The following NME2 variants were observed in gnomAD, a reference collection of about 807,000 sequenced individuals.
The protein encoded by NME2 is nucleoside diphosphate kinase B.
In NME2, 18 loss-of-function variants were observed where a neutral mutation model predicts 17.8. The ratio of observed to expected loss-of-function variants is 1.01; its 90% CI spans 0.70 to 1.50. The LOEUF (loss-of-function observed/expected upper bound fraction) is 1.50. NME2 is among the 40% of genes most tolerant of loss of function. The pLI is 0.00. For synonymous variants in NME2, 74 were observed against 71.4 expected (o/e 1.04, Z -0.19); for missense variants, 161 against 195.6 (o/e 0.82, Z 1.05).
In NME2 at chr17:51,171,529, A is replaced by G; in HGVS notation, c.384A>G (p.Lys128=). The change falls in exon 5 of 5, where the codon AAA becomes AAG. Residue 128 remains lysine, a synonymous_variant. Coordinates refer to ENST00000512737, the MANE Select transcript of NME2 (RefSeq NM_002512.4). ...HGSDSVKSAE[K]EISLWFKPEE... is the part of the protein sequence containing the mutation. ...GTGATTCAGTAAAAAGTGCTGAAAA[A>G]GAAATCAGCCTATGGTTTAAGCCTG... 6.2e-7 allele frequency: 1 copy of G among 1,613,736 alleles called. No homozygotes were observed. Among genetic ancestry groups the G allele is most frequent in the Non-Finnish European group, 8.5e-7 (1 of 1,179,698 alleles).
chr17:51,171,635 A>T lies in NME2; in HGVS notation c.*31A>T, dbSNP rs367988866. On this transcript the variant is annotated 3_prime_UTR_variant, in exon 5 of 5. Coordinates refer to ENST00000512737, the MANE Select transcript of NME2 (RefSeq NM_002512.4). ...GGACACAACAGCAGTCTCCTTCAGCACGGCGTGGTGTGTCCCTGGACACAG... is the reference window on the plus strand; with the variant it reads ...GGACACAACAGCAGTCTCCTTCAGCTCGGCGTGGTGTGTCCCTGGACACAG... 3.9e-6 allele frequency: 6 copies of T among 1,545,726 alleles called. No homozygotes were observed. The African/African-American group carries it at 8.2e-5, about 21-fold the overall frequency.
Position 51,170,023 on chromosome 17 carries a change from T to C in NME2, c.315T>C (p.Arg105=). Residue 105 remains arginine, a synonymous_variant, in exon 4 of 5, where the codon CGT becomes CGC. Coordinates refer to ENST00000512737, the MANE Select transcript of NME2 (RefSeq NM_002512.4). ...NPADSKPGTI[R]GDFCIQVGRN... ...CAGATTCAAAGCCAGGCACCATTCGTGGGGACTTCTGCATTCAGGTTGGCA... is the reference window on the plus strand; with the variant it reads ...CAGATTCAAAGCCAGGCACCATTCGCGGGGACTTCTGCATTCAGGTTGGCA... 2 of 1,611,152 alleles carry C rather than the reference T, an allele frequency of 1.2e-6. No individual in the cohort carries two copies. The highest frequency in any genetic ancestry group is 1.7e-6 in the Non-Finnish European group (2 of 1,178,872).
chr17:51,170,169 G>A (rs748104622), intron 4 of NME2, 120 bp downstream of exon 4: 37 of 769,012 alleles, frequency 4.8e-5, no homozygotes, highest in African/African-American at 3.9e-4. Context: ...TTCTTGAGAC[G>A]GAGTCTCCTT....
chr17:51,169,168 C>T (rs367924029), intron 3 of NME2, among the ~76,000 whole-genome samples: 3,393 of 151,832 alleles, frequency 0.022, 55 homozygotes, highest in Non-Finnish European at 0.031. Flanking sequence ...AGTGGCTGGG[C>T]GAGGTGGCTC....
At chr17:51,168,081 A>T (rs1399960332) in intron 2 of NME2, 161 bp from the exon 3 acceptor site, 1 of 461,316 alleles carries the variant, frequency 2.2e-6, no homozygotes, top group East Asian at 3.6e-5. Context: ...TTTAAAAAAT[A>T]TTTATGTGTG....
intron 4 of NME2, among the ~76,000 whole-genome samples, chr17:51,170,990 TAC>T (rs1356026586): frequency 6.6e-6 from 1 of 152,200 alleles, no homozygotes; most frequent in Non-Finnish European, 1.5e-5. Context: ...CCCTCACCTG[TAC>T]ACAGTCTGTT....
chr17:51,170,768 C>A (rs565626118), intron 4 of NME2, among the ~76,000 whole-genome samples: 3 of 108,436 alleles, frequency 2.8e-5, no homozygotes, highest in Non-Finnish European at 3.7e-5. Context: ...GCCTGGGCAA[C>A]AAGAACAAAA....
intron 3 of NME2, 108 bp from the exon 4 acceptor site, chr17:51,169,829 T>C: frequency 2.1e-6 from 2 of 957,136 alleles, no homozygotes; most frequent in Middle Eastern, 3.0e-4. Context: ...CTGATAATCA[T>C]GTCACTGATC....
intron 2 of NME2, among the ~76,000 whole-genome samples, chr17:51,167,489 T>C (rs189882323): frequency 6.6e-6 from 1 of 152,328 alleles, no homozygotes; most frequent in East Asian, 1.9e-4. Context: ...GAAGAGAATG[T>C]TCTCAGTTAT....
At chr17:51,167,702 T>C (rs1005309543) in intron 2 of NME2, among the ~76,000 whole-genome samples, 8 of 152,146 alleles carry the variant, frequency 5.3e-5, no homozygotes, top group African/African-American at 1.2e-4. Context: ...ATTAGAACAG[T>C]CTTGGCCAGG....
intron 3 of NME2, among the ~76,000 whole-genome samples, chr17:51,168,787 G>A (rs2050003006): frequency 6.6e-6 from 1 of 152,050 alleles, no homozygotes; most frequent in South Asian, 2.1e-4. Context: ...GCTCATGCCT[G>A]TAATCCCAGC....
At chr17:51,167,342 T>C in intron 2 of NME2, 1 of 279,438 alleles carries the variant, frequency 3.6e-6, no homozygotes. Context: ...AGTCTGAAAC[T>C]CCGAGTTCCA....
At chr17:51,170,142 CTTTTTTT>C in intron 4 of NME2, 93 bp downstream of exon 4, 1 of 614,318 alleles carries the variant, frequency 1.6e-6, no homozygotes, top group Admixed American at 4.7e-5. Context: ...AATCTGTGCC[CTTTTTTT>C]TTTTTTTTTT....
rs528845229 is a variant in NME2 at position 51,168,911 on chromosome 17, C to T, written c.228+568C>T. 3.1e-4 allele frequency among the ~76,000 whole-genome samples: 47 copies of T among 151,714 alleles called. No homozygotes were observed. The South Asian group carries it at 8.1e-3, about 26-fold the overall frequency. ...TTGGGAGGCGGAGGTTGCAGTGAGC[C>T]GAGATCATGCCACTGCACTCCAGCC... On this transcript the variant is annotated intron_variant, in intron 3 of 4. Transcript: ENST00000512737.
At position 51,171,292 on chromosome 17, in the gene NME2, A is replaced by G. The variant is rs1189847179; in HGVS notation, c.342-195A>G. Among the ~76,000 whole-genome samples, 7 of 152,220 alleles carry G rather than the reference A, an allele frequency of 4.6e-5. 1 individual carries two copies. The highest frequency in any genetic ancestry group is 8.8e-5 in the Non-Finnish European group (6 of 68,034). On this transcript the variant is annotated intron_variant, in intron 4 of 4. Transcript: ENST00000512737. ...CTTGGAAGCATAATACAGTTGAAAC[A>G]AGGAATGTTTTAAATCAAGCACTTT...
intron 2 of NME2, 41 bp downstream of exon 2, chr17:51,166,997 C>A: frequency 6.2e-7 from 1 of 1,609,268 alleles, no homozygotes; most frequent in Non-Finnish European, 8.5e-7. Flanking sequence ...GCAGCCGGCT[C>A]GCGGGTGTTT....
chr17:51,168,330 C>T lies in NME2; in HGVS notation c.215C>T (p.Pro72Leu), dbSNP rs776433905. The T allele has an allele frequency of 3.3e-5, 53 of 1,613,678 alleles. No homozygotes were observed. The highest frequency in any genetic ancestry group is 1.6e-4 in the Middle Eastern group (1 of 6,082). The change falls in exon 3 of 5, where the codon CCG (proline) becomes CTG (leucine). Residue 72 changes from proline (P) to leucine (L), a missense_variant. Coordinates refer to ENST00000512737, the MANE Select transcript of NME2 (RefSeq NM_002512.4). The part of the protein sequence containing the change: ...PGLVKYMNSG[P>L]VVAMVWEGLN... ...CTGGTGAAGTACATGAACTCAGGGC[C>T]GGTTGTGGCCATGGTGAGTGCTCGT... is the stretch of plus-strand genomic sequence containing the variant.
In NME2 at chr17:51,168,313, G is replaced by C. The variant is rs1365359475; in HGVS notation, c.198G>C (p.Lys66Asn). The change falls in exon 3 of 5, where the codon AAG (lysine) becomes AAC (asparagine). Residue 66 changes from lysine (K) to asparagine (N), a missense_variant. Transcript: ENST00000512737. ...KDRPFFPGLV[K>N]YMNSGPVVAM... ...GACCATTCTTCCCTGGGCTGGTGAA[G>C]TACATGAACTCAGGGCCGGTTGTGG... The C allele has an allele frequency of 2.5e-6, 4 of 1,614,042 alleles. No individual in the cohort carries two copies. The highest frequency in any genetic ancestry group is 1.6e-4 in the Middle Eastern group (1 of 6,062).
chr17:51,167,045 G>C, intron 2 of NME2, 89 bp downstream of exon 2: 1 of 1,604,128 alleles, frequency 6.2e-7, no homozygotes. Context: ...TCTGCTTTCC[G>C]AGTTCATTTC....
Sources: gnomAD v4.1 joint callset for allele counts (sites outside exome capture counted in the v4.1 genomes callset) on GRCh38, gnomAD v4.1.1 for gene constraint, MANE v1.5 for transcripts, NCBI Gene and HGNC (gene_info 2026-07-23, HGNC 2026-07-21) for gene names.